CDH3: variants seen among roughly 807,000 people sequenced by gnomAD.
CDH3 encodes cadherin-3.
In CDH3, 54 loss-of-function variants were observed where a neutral mutation model predicts 82.0. The ratio of observed to expected loss-of-function variants is 0.66; its 90% CI spans 0.53 to 0.83. CDH3 has a LOEUF of 0.83. Ranked by LOEUF, CDH3 falls within the 40% of genes least tolerant of loss-of-function variation. The pLI, the probability that CDH3 is intolerant of heterozygous loss-of-function variation, is 0.00. For missense variants in CDH3, 1,054 were observed against 1,084.6 expected, an observed-to-expected ratio of 0.97 and a Z score of 0.40; for synonymous variants, 446 against 437.9, an observed-to-expected ratio of 1.02 and a Z score of -0.23.
At chr16:68,700,896 C>T (rs150801414), downstream of CDH3, among the ~76,000 whole-genome samples, 6 of 152,176 alleles carry the variant, frequency 3.9e-5, no homozygotes, top group African/African-American at 1.2e-4. Flanking sequence ...GCTCACCTGT[C>T]CTTGGTCCAT....
chr16:68,688,968 A>G (rs1961490207), intron 12 of CDH3, among the ~76,000 whole-genome samples: 1 of 152,208 alleles, frequency 6.6e-6, no homozygotes, highest in African/African-American at 2.4e-5. Context: ...TGTGGAAAAT[A>G]AAAAGCATAA....
intron 2 of CDH3, among the ~76,000 whole-genome samples, chr16:68,661,750 G>A (rs1159494315): frequency 1.3e-5 from 2 of 152,256 alleles, no homozygotes; most frequent in South Asian, 2.1e-4. Flanking sequence ...ATTCAATGGC[G>A]CGATCTCAGC....
At chr16:68,665,714 AC>A (rs1418089913) in intron 2 of CDH3, among the ~76,000 whole-genome samples, 1 of 152,016 alleles carries the variant, frequency 6.6e-6, no homozygotes, top group African/African-American at 2.4e-5. Flanking sequence ...CAGACAGCAC[AC>A]CTCATGCTGA....
intron 2 of CDH3, among the ~76,000 whole-genome samples, chr16:68,669,207 GT>G (rs1164455071): frequency 6.6e-6 from 1 of 152,126 alleles, no homozygotes; most frequent in Non-Finnish European, 1.5e-5. Flanking sequence ...CACATTGCAG[GT>G]TATTTTGTGA....
Position 68,673,883 on chromosome 16 carries a change from T to C in CDH3, c.161-2502T>C, listed in dbSNP as rs925358713. 6.6e-5 allele frequency among the ~76,000 whole-genome samples: 10 copies of C among 151,922 alleles called. No homozygotes were observed. The South Asian group carries it at 1.5e-3, about 22-fold the overall frequency. ...GAGGTTGCGGTGAGCCACTGTACCA[T>C]AGCCTGGGCAAGAGAGTGAGACTCC... On this transcript the variant is annotated intron_variant, in intron 2 of 15. Transcript: ENST00000264012.
chr16:68,701,587 C>T (rs1053155028), downstream of CDH3, among the ~76,000 whole-genome samples: 13 of 150,064 alleles, frequency 8.7e-5, no homozygotes, highest in Middle Eastern at 3.4e-3. Context: ...ACTCTCCCCC[C>T]GGGGCTAGAG....
At chr16:68,679,047 C>T in intron 6 of CDH3, 141 bp downstream of exon 6, 1 of 829,808 alleles carries the variant, frequency 1.2e-6, no homozygotes, top group Non-Finnish European at 1.9e-6. Flanking sequence ...CCCCTTCCAT[C>T]CCAAGGTTCC....
At chr16:68,651,175 A>C in intron 2 of CDH3, 1 of 487,970 alleles carries the variant, frequency 2.0e-6, no homozygotes, top group Non-Finnish European at 4.2e-6. Flanking sequence ...CAGGCCAAAG[A>C]CCTGGCTGCT....
chr16:68,714,667 AGAGCACTTTCAGCTACCAAATGTATTCC>A (rs1471388672), intron 1 of CDH3, among the ~76,000 whole-genome samples: 23 of 152,356 alleles, frequency 1.5e-4, no homozygotes, highest in African/African-American at 5.5e-4. Flanking sequence ...TAATAGCTGT[AGAGCACTTTCAGCTACCAAATGTATTCC>A]GAGCACTTTA....
chr16:68,649,733 T>C (rs1960183795), intron 2 of CDH3, among the ~76,000 whole-genome samples: 1 of 151,868 alleles, frequency 6.6e-6, no homozygotes, highest in African/African-American at 2.4e-5. Flanking sequence ...GGCTGGGGGC[T>C]CCTTAAAACC....
downstream of CDH3, among the ~76,000 whole-genome samples, chr16:68,730,020 G>A (rs1161848454): frequency 6.6e-6 from 1 of 151,694 alleles, no homozygotes; most frequent in East Asian, 1.9e-4. Flanking sequence ...GGATCATGAG[G>A]TCAGGAGTTC....
chr16:68,727,961 T>C (rs1352995207), downstream of CDH3, among the ~76,000 whole-genome samples: 1 of 152,118 alleles, frequency 6.6e-6, no homozygotes, highest in Non-Finnish European at 1.5e-5. Context: ...GTATGTATTA[T>C]AGCAAACGGC....
chr16:68,688,691 A>C (rs1406138277), intron 12 of CDH3, among the ~76,000 whole-genome samples: 1 of 152,112 alleles, frequency 6.6e-6, no homozygotes, highest in African/African-American at 2.4e-5. Flanking sequence ...CAGTGGCACA[A>C]TCTCAGCTCA....
intron 2 of CDH3, among the ~76,000 whole-genome samples, chr16:68,653,869 T>G (rs766372316): frequency 1.3e-4 from 19 of 151,534 alleles, no homozygotes; most frequent in Non-Finnish European, 2.5e-4. Context: ...TTTTGTATTT[T>G]TAATAGAGAC....
At chr16:68,678,390 CT>C in intron 4 of CDH3, 110 bp from the exon 5 acceptor site, 1 of 1,580,420 alleles carries the variant, frequency 6.3e-7, no homozygotes, top group Non-Finnish European at 8.7e-7. Context: ...AAAACCTCTC[CT>C]GTTCAGTGAG....
At chr16:68,648,906 T>C (rs1960159854) in intron 2 of CDH3, among the ~76,000 whole-genome samples, 1 of 141,928 alleles carries the variant, frequency 7.0e-6, no homozygotes, top group African/African-American at 2.7e-5. Context: ...TCCAGAAACA[T>C]TGATGTAGAG....
intron 4 of CDH3, 85 bp from the exon 5 acceptor site, chr16:68,678,416 G>T: frequency 6.3e-7 from 1 of 1,581,008 alleles, no homozygotes; most frequent in Non-Finnish European, 8.7e-7. Flanking sequence ...TTCTCCTATG[G>T]CAGTGCCCCT....
At chr16:68,705,793 C>T (rs1028434471) in intron 1 of CDH3, among the ~76,000 whole-genome samples, 2 of 149,720 alleles carry the variant, frequency 1.3e-5, no homozygotes, top group African/African-American at 4.9e-5. Flanking sequence ...GAGCCGGGCG[C>T]GGTGGCTCAC....
chr16:68,731,507 CACACATAT>C (rs1201960921), downstream of CDH3, among the ~76,000 whole-genome samples: 18 of 44,740 alleles, frequency 4.0e-4, 1 homozygote, highest in African/African-American at 1.0e-3. Context: ...TATATACACA[CACACATAT>C]ACACACACAC....
Sources: allele counts gnomAD v4.1 joint callset (sites outside exome capture counted in the v4.1 genomes callset), GRCh38; gene constraint gnomAD v4.1.1; transcripts MANE v1.5; gene names NCBI Gene and HGNC (gene_info 2026-07-23, HGNC 2026-07-21).